GPATCH8: variants seen among roughly 807,000 people sequenced by gnomAD.
The protein encoded by GPATCH8 is G-patch domain containing 8, also known as G patch domain-containing protein 8.
In GPATCH8, 18 loss-of-function variants were observed where a neutral mutation model predicts 118.3. That is an observed-to-expected ratio of 0.15 (90% CI 0.11 to 0.23). The LOEUF (loss-of-function observed/expected upper bound fraction) is 0.23. Among genes scored for constraint, GPATCH8 ranks in the 10% least tolerant of loss-of-function variants. The pLI, the probability that GPATCH8 is intolerant of heterozygous loss-of-function variation, is 1.00. For synonymous variants in GPATCH8, 659 were observed against 684.7 expected (o/e 0.96, Z 0.59); for missense variants, 1,631 against 1,873.8 (o/e 0.87, Z 2.39).
chr17:44,503,367 C>A lies in GPATCH8; in HGVS notation c.4G>T (p.Ala2Ser). The A allele has an allele frequency of 6.2e-7, 1 of 1,609,188 alleles. No homozygotes were observed. The change falls in exon 1 of 8, where the codon GCG (alanine) becomes TCG (serine). Residue 2 changes from alanine (A) to serine (S), a missense_variant. Ala to Ser is a moderately conservative substitution (Grantham distance 99). Transcript: ENST00000591680. ...TCGTTGAAGCGGGAGAAGCGGTCCGCCATTTTGCCGCCTTCACTCCTCTCA... is the reference window on the plus strand; with the variant it reads ...TCGTTGAAGCGGGAGAAGCGGTCCGACATTTTGCCGCCTTCACTCCTCTCA... MADRFSRFNEDR... is the reference protein window; with the variant it reads MSDRFSRFNEDR...
chr17:44,441,327 T>C (rs1008373779), intron 3 of GPATCH8, among the ~76,000 whole-genome samples: 2 of 152,222 alleles, frequency 1.3e-5, no homozygotes, highest in South Asian at 2.1e-4. Context: ...ACTGGTTGAA[T>C]TGTCAACAGA....
chr17:44,438,592 C>T (rs549658203), intron 3 of GPATCH8: 5 of 152,082 alleles, frequency 3.3e-5, no homozygotes, highest in Admixed American at 2.6e-4. Context: ...AGGATGAAGG[C>T]TACAACAGAG....
intron 7 of GPATCH8, among the ~76,000 whole-genome samples, chr17:44,402,462 T>C: frequency 6.6e-6 from 1 of 152,120 alleles, no homozygotes; most frequent in Non-Finnish European, 1.5e-5. Context: ...GTACATGTAT[T>C]CACATAGGTT....
At position 44,441,797 on chromosome 17, in the gene GPATCH8, G is replaced by C. The variant is rs557132309; in HGVS notation, c.194-5252C>G. Among the ~76,000 whole-genome samples the C allele has an allele frequency of 8.6e-5, 13 of 151,876 alleles. No homozygotes were observed. The South Asian group carries it at 2.1e-3, about 24-fold the overall frequency. On this transcript the variant is annotated intron_variant, in intron 3 of 7. Coordinates refer to ENST00000591680, the MANE Select transcript of GPATCH8 (RefSeq NM_001002909.4). ...TAATCCCAGCAATTTGGGAGGCCGA[G>C]GCGGGTGGATCACCTGAGGTCAGGA...
intron 3 of GPATCH8, among the ~76,000 whole-genome samples, chr17:44,442,122 T>TAGAGAGAGAG (rs1369615165): frequency 7.8e-6 from 1 of 128,994 alleles, no homozygotes; most frequent in Non-Finnish European, 1.6e-5. Flanking sequence ...TATATATATA[T>TAGAGAGAGAG]AGAGAGAGAG....
intron 6 of GPATCH8, among the ~76,000 whole-genome samples, chr17:44,414,382 C>T (rs538162210): frequency 1.4e-4 from 22 of 152,108 alleles, no homozygotes; most frequent in African/African-American, 5.3e-4. Flanking sequence ...TCAGAGCTCA[C>T]TGCAGCCTCG....
intron 6 of GPATCH8, among the ~76,000 whole-genome samples, chr17:44,414,538 G>T (rs545433150): frequency 6.6e-6 from 1 of 152,210 alleles, no homozygotes; most frequent in South Asian, 2.1e-4. Context: ...CAAACTCCTG[G>T]GATCAAGGGA....
At chr17:44,470,666 C>T (rs998226469) in intron 2 of GPATCH8, among the ~76,000 whole-genome samples, 1 of 152,146 alleles carries the variant, frequency 6.6e-6, no homozygotes, top group East Asian at 1.9e-4. Flanking sequence ...TGTGCCACCA[C>T]GTCTGGCTAC....
rs1281874717 is a variant in GPATCH8 at position 44,408,992 on chromosome 17, C to G, written c.493-2941G>C. On this transcript the variant is annotated intron_variant, in intron 6 of 7. Transcript: ENST00000591680. ...AACCTTGAGACAGGACTCAGCAAAC[C>G]ATCTCAAACTGAGTATGTATACTTG... 6 of 152,172 alleles carry G rather than the reference C, an allele frequency of 3.9e-5. No homozygotes were observed. In the East Asian group the frequency reaches 1.2e-3, roughly 29 times the overall value. The allele number at this position is 152,172 out of a possible 1,614,324, so 9.4% of individuals were successfully genotyped here.
intron 5 of GPATCH8, among the ~76,000 whole-genome samples, chr17:44,428,938 G>A (rs951146183): frequency 1.9e-4 from 29 of 151,452 alleles, no homozygotes; most frequent in Non-Finnish European, 2.7e-4. Flanking sequence ...TCAGGAGATC[G>A]AGACCATCCT....
At chr17:44,418,578 C>T (rs189096497) in intron 6 of GPATCH8, among the ~76,000 whole-genome samples, 217 of 152,146 alleles carry the variant, frequency 1.4e-3, no homozygotes, top group African/African-American at 5.2e-3. Context: ...CCTCAGCCTC[C>T]CCAGTAGCTG....
chr17:44,462,264 G>C (rs1319559009), intron 3 of GPATCH8, among the ~76,000 whole-genome samples: 1 of 152,160 alleles, frequency 6.6e-6, no homozygotes, highest in South Asian at 2.1e-4. Context: ...GGGTGTCCTC[G>C]AATAGAAGAG....
intron 6 of GPATCH8, among the ~76,000 whole-genome samples, chr17:44,418,175 AAGGG>A: frequency 6.6e-6 from 1 of 150,618 alleles, no homozygotes; most frequent in African/African-American, 2.4e-5. Flanking sequence ...GGAAGAAAGG[AAGGG>A]AGGAAGGGAG....
At chr17:44,405,139 C>T (rs772464704) in intron 7 of GPATCH8, among the ~76,000 whole-genome samples, 1 of 151,738 alleles carries the variant, frequency 6.6e-6, no homozygotes, top group Non-Finnish European at 1.5e-5. Flanking sequence ...TGTATTGAAA[C>T]ATTACTAGGT....
At chr17:44,444,450 G>A (rs763887667) in intron 3 of GPATCH8, among the ~76,000 whole-genome samples, 4 of 151,650 alleles carry the variant, frequency 2.6e-5, no homozygotes, top group South Asian at 2.1e-4. Context: ...GAGGAGATAC[G>A]GAAAAAAACA....
In GPATCH8 at chr17:44,397,781, G is replaced by C. The variant is rs1322017664; in HGVS notation, c.4296C>G (p.Thr1432=). The part of the protein sequence containing the change: ...THSIIPGHPA[T]FLASHPIHII... The stretch of plus-strand genomic sequence containing the variant: ...TGTGGATGGGATGGCTAGCGAGAAA[G>C]GTGGCAGGGTGGCCAGGGATGATTG... Residue 1432 remains threonine (T), a synonymous_variant, in exon 8 of 8, where the codon ACC becomes ACG. Coordinates refer to ENST00000591680, the MANE Select transcript of GPATCH8 (RefSeq NM_001002909.4). 6.3e-7 allele frequency: 1 copy of C among 1,582,784 alleles called. No individual in the cohort carries two copies. The highest frequency in any genetic ancestry group is 8.6e-7 in the Non-Finnish European group (1 of 1,162,102).
intron 6 of GPATCH8, among the ~76,000 whole-genome samples, chr17:44,416,791 C>A (rs184361302): frequency 6.6e-6 from 1 of 152,106 alleles, no homozygotes; most frequent in Admixed American, 6.5e-5. Context: ...CTGTACAAAT[C>A]AGAATACAGT....
At chr17:44,402,736 C>T (rs1490004953) in intron 7 of GPATCH8, among the ~76,000 whole-genome samples, 1 of 152,172 alleles carries the variant, frequency 6.6e-6, no homozygotes, top group Non-Finnish European at 1.5e-5. Flanking sequence ...CTGTGGTCAG[C>T]ATGTCTGCCA....
chr17:44,478,850 C>T (rs1967985528), intron 1 of GPATCH8, among the ~76,000 whole-genome samples: 1 of 151,574 alleles, frequency 6.6e-6, no homozygotes, highest in South Asian at 2.1e-4. Flanking sequence ...GTAATCCTCC[C>T]ACCTCAGCCT....
Sources: allele counts gnomAD v4.1 joint callset (sites outside exome capture counted in the v4.1 genomes callset), GRCh38; gene constraint gnomAD v4.1.1; transcripts MANE v1.5; gene names NCBI Gene and HGNC (gene_info 2026-07-23, HGNC 2026-07-21).